The following FRMD6 variants were observed in gnomAD, a reference collection of about 807,000 sequenced individuals.
FRMD6 encodes the protein FERM domain containing 6, also known as FERM domain-containing protein 6.
A neutral mutation model predicts 73.2 loss-of-function variants in FRMD6; 37 were observed. The observed-to-expected ratio is 0.51, with a 90% CI of 0.39 to 0.66. The LOEUF (loss-of-function observed/expected upper bound fraction) is 0.66, where lower values mean the gene tolerates loss of function less well. Ranked by LOEUF, FRMD6 falls within the 30% of genes least tolerant of loss-of-function variation. The pLI is 0.00. For synonymous variants in FRMD6, 273 were observed against 282.2 expected, an observed-to-expected ratio of 0.97 and a Z score of 0.33; for missense variants, 714 against 780.5, an observed-to-expected ratio of 0.91 and a Z score of 1.02.
At chr14:51,402,904 CTGGGATTACAGGCG>C in the FRMD6 span, among the ~76,000 whole-genome samples, 1 of 152,118 alleles carries the variant, frequency 6.6e-6, no homozygotes, top group Non-Finnish European at 1.5e-5. Flanking sequence ...TCCCAAAGTG[CTGGGATTACAGGCG>C]TGAGCCACCG....
intron 1 of FRMD6, among the ~76,000 whole-genome samples, chr14:51,517,365 T>A (rs1359597813): frequency 6.6e-6 from 1 of 152,206 alleles, no homozygotes; most frequent in Non-Finnish European, 1.5e-5. Flanking sequence ...AGGCTCCAAG[T>A]ATTTATTCTG....
chr14:51,669,135 T>C (rs561742322), intron 1 of FRMD6, among the ~76,000 whole-genome samples: 79 of 152,276 alleles, frequency 5.2e-4, no homozygotes, highest in African/African-American at 1.9e-3. Context: ...AGCTCCTTTT[T>C]AGTCAGTCTC....
chr14:51,704,694 A>G (rs1446306495), intron 5 of FRMD6, 55 bp from the exon 6 acceptor site: 3 of 1,460,578 alleles, frequency 2.1e-6, no homozygotes, highest in African/African-American at 2.8e-5. Context: ...TTCTGTTTAC[A>G]TGTCATTGGA....
At chr14:51,686,168 A>G (rs928661734) in intron 1 of FRMD6, among the ~76,000 whole-genome samples, 8 of 152,314 alleles carry the variant, frequency 5.3e-5, no homozygotes, top group African/African-American at 1.9e-4. Context: ...TAAAATTAAA[A>G]AAATACTTAC....
intron 2 of FRMD6, among the ~76,000 whole-genome samples, chr14:51,637,050 CCT>C (rs1258811547): frequency 6.6e-6 from 1 of 151,760 alleles, no homozygotes; most frequent in Non-Finnish European, 1.5e-5. Context: ...ACAGGGAGAC[CCT>C]GTCTCTACAA....
chr14:51,469,635 A>G, the FRMD6 span, among the ~76,000 whole-genome samples: 2 of 151,706 alleles, frequency 1.3e-5, no homozygotes, highest in East Asian at 3.9e-4. Flanking sequence ...AAAAAAAAAA[A>G]AAAAGCTACT....
At chr14:51,522,277 T>C (rs1182534118) in intron 1 of FRMD6, among the ~76,000 whole-genome samples, 1 of 152,162 alleles carries the variant, frequency 6.6e-6, no homozygotes, top group East Asian at 1.9e-4. Context: ...AATCTCAAAA[T>C]TTTTGGGTTA....
the FRMD6 span, among the ~76,000 whole-genome samples, chr14:51,459,882 C>CTTTTT: frequency 2.1e-4 from 5 of 23,420 alleles, no homozygotes; most frequent in African/African-American, 8.7e-4. Flanking sequence ...ATTACTGACT[C>CTTTTT]TCTTTTTTTT....
Position 51,729,108 on chromosome 14 carries a change from T to C in FRMD6, c.*1079T>C, listed in dbSNP as rs947014906. ...AGAGTTCAGAATGACTGTTTTCTCATGTGCCTTTGGCCATGATTCTCAACA... is the reference window on the plus strand; with the variant it reads ...AGAGTTCAGAATGACTGTTTTCTCACGTGCCTTTGGCCATGATTCTCAACA... On this transcript the variant is annotated 3_prime_UTR_variant, in exon 14 of 14. Coordinates refer to ENST00000344768, the MANE Select transcript of FRMD6 (RefSeq NM_001267046.2). 3 of 152,208 alleles carry C rather than the reference T, an allele frequency of 2.0e-5. No individual in the cohort carries two copies. Among genetic ancestry groups the C allele is most frequent in the African/African-American group, 7.2e-5 (3 of 41,456 alleles). The allele number at this position is 152,208 out of a possible 1,614,324, so 9.4% of individuals were successfully genotyped here. A position where few individuals can be genotyped will look rare whatever the true frequency, so the allele number is the denominator to read the frequency against.
intron 1 of FRMD6, among the ~76,000 whole-genome samples, chr14:51,662,996 T>C (rs1202330871): frequency 1.3e-5 from 2 of 152,066 alleles, no homozygotes; most frequent in Non-Finnish European, 2.9e-5. Flanking sequence ...AAGACATGGA[T>C]GCAGCAAACA....
At position 51,602,881 on chromosome 14, in the gene FRMD6, A is replaced by G. The variant is rs534682419; in HGVS notation, c.-147+32471A>G. On this transcript the variant is annotated intron_variant, in intron 2 of 14. Transcript: ENST00000356218. The stretch of plus-strand genomic sequence containing the variant: ...AAAGAAACAAAACTTCATGCTAACC[A>G]TGTGGTACTGGTGAAATTATGGTAT... Among the ~76,000 whole-genome samples, 61 of 152,344 alleles carry G rather than the reference A, an allele frequency of 4.0e-4. 2 individuals are homozygous for G. The South Asian group carries it at 0.012, about 31-fold the overall frequency.
At chr14:51,409,471 G>A in the FRMD6 span, among the ~76,000 whole-genome samples, 1 of 151,388 alleles carries the variant, frequency 6.6e-6, no homozygotes, top group East Asian at 2.0e-4. Flanking sequence ...AATTGGTCAA[G>A]GTCTCTAGCC....
chr14:51,424,617 C>G, the FRMD6 span, among the ~76,000 whole-genome samples: 1 of 152,170 alleles, frequency 6.6e-6, no homozygotes, highest in Non-Finnish European at 1.5e-5. Flanking sequence ...TTTGGTACAT[C>G]CCCCTCTTCA....
At position 51,720,037 on chromosome 14, in the gene FRMD6, G is replaced by T; in HGVS notation, c.1025-18G>T. ...TTCCTTCTGTCTTGGTTAATGAACT[G>T]TGTTCCCCACCACGTAGAGAAGAAG... On this transcript the variant is annotated intron_variant, in intron 10 of 13. Transcript: ENST00000344768. 6.3e-7 allele frequency: 1 copy of T among 1,591,860 alleles called. No homozygotes were observed.
chr14:51,478,349 G>T, the FRMD6 span, among the ~76,000 whole-genome samples: 8 of 152,074 alleles, frequency 5.3e-5, no homozygotes, highest in African/African-American at 1.9e-4. Flanking sequence ...GAAGAAAAGC[G>T]CTGGCATCAG....
intron 2 of FRMD6, among the ~76,000 whole-genome samples, chr14:51,624,399 G>A (rs942851985): frequency 6.6e-6 from 1 of 152,220 alleles, no homozygotes; most frequent in Non-Finnish European, 1.5e-5. Flanking sequence ...GGAACAACAT[G>A]TGAAAAGTAC....
At position 51,670,285 on chromosome 14, in the gene FRMD6, T is replaced by C. The variant is rs1421134509; in HGVS notation, c.-147+18289T>C. ...TTTTGTGGAGATGGGGGTCTCACTATGTTGCCCAGGCTGGCCTCAAGTGCT... is the reference window on the plus strand; with the variant it reads ...TTTTGTGGAGATGGGGGTCTCACTACGTTGCCCAGGCTGGCCTCAAGTGCT... On this transcript the variant is annotated intron_variant, in intron 1 of 13. Transcript: ENST00000344768. Among the ~76,000 whole-genome samples, 6 of 152,272 alleles carry C rather than the reference T, an allele frequency of 3.9e-5. No homozygotes were observed. In the South Asian group the frequency reaches 1.0e-3, roughly 26 times the overall value.
chr14:51,601,859 T>C (rs1421697136), intron 2 of FRMD6, among the ~76,000 whole-genome samples: 3 of 152,268 alleles, frequency 2.0e-5, no homozygotes. Context: ...TATCATTTTC[T>C]TGGCAGTTAA....
At chr14:51,609,428 C>A (rs1286576172) in intron 2 of FRMD6, among the ~76,000 whole-genome samples, 5 of 152,228 alleles carry the variant, frequency 3.3e-5, no homozygotes, top group Middle Eastern at 3.4e-3. Flanking sequence ...CCACAGACAT[C>A]GGTGTATGGA....
Sources: allele counts gnomAD v4.1 joint callset (sites outside exome capture counted in the v4.1 genomes callset), GRCh38; gene constraint gnomAD v4.1.1; transcripts MANE v1.5; gene names NCBI Gene and HGNC (gene_info 2026-07-23, HGNC 2026-07-21).